Variants in PCDH15 observed in about 807,000 individuals in gnomAD.
PCDH15 encodes the protein protocadherin-15.
Under a neutral mutation model 178.5 loss-of-function variants are expected in PCDH15, and 129 were observed. That is an observed-to-expected ratio of 0.72 (90% CI 0.63 to 0.84). PCDH15 has a LOEUF of 0.84. PCDH15 is among the 40% of genes least tolerant of loss of function. The pLI is 0.00. For synonymous variants in PCDH15, 800 were observed against 732.0 expected (o/e 1.09, Z -1.50); for missense variants, 2,230 against 2,099.9 (o/e 1.06, Z -1.21).
chr10:54,703,158 C>T (rs1298453279), intron 1 of PCDH15, among the ~76,000 whole-genome samples: 3 of 152,056 alleles, frequency 2.0e-5, no homozygotes, highest in African/African-American at 7.2e-5. Context: ...GCAGAAAAGT[C>T]TGTTGATAAA....
At chr10:54,964,977 T>C (rs1480984255) in intron 2 of PCDH15, among the ~76,000 whole-genome samples, 1 of 152,190 alleles carries the variant, frequency 6.6e-6, no homozygotes, top group African/African-American at 2.4e-5. Flanking sequence ...TGTTAATTTG[T>C]AGAATACTTG....
intron 2 of PCDH15, among the ~76,000 whole-genome samples, chr10:55,078,892 G>C (rs1274951908): frequency 6.6e-6 from 1 of 151,804 alleles, no homozygotes; most frequent in Admixed American, 6.6e-5. Flanking sequence ...TTCCATTTCT[G>C]AGTTACTTCA....
At chr10:54,171,530 G>T (rs577968532) in intron 13 of PCDH15, among the ~76,000 whole-genome samples, 1 of 142,020 alleles carries the variant, frequency 7.0e-6, no homozygotes, top group Non-Finnish European at 1.5e-5. Flanking sequence ...CCTATTCACC[G>T]TTCTCAACTA....
chr10:54,800,401 G>C (rs958061737), intron 1 of PCDH15, among the ~76,000 whole-genome samples: 5 of 152,088 alleles, frequency 3.3e-5, no homozygotes, highest in African/African-American at 1.2e-4. Context: ...AACATCCACA[G>C]TAAAAATATC....
intron 21 of PCDH15, among the ~76,000 whole-genome samples, chr10:53,976,183 A>G (rs1417387385): frequency 6.6e-6 from 1 of 152,028 alleles, no homozygotes; most frequent in Admixed American, 6.6e-5. Context: ...TGTATTAATA[A>G]TATAGTTTGA....
intron 20 of PCDH15, among the ~76,000 whole-genome samples, chr10:54,015,757 G>A (rs1467622910): frequency 2.6e-5 from 4 of 151,984 alleles, no homozygotes; most frequent in East Asian, 1.9e-4. Context: ...AACTCAAGAC[G>A]GATTGAAGAC....
intron 1 of PCDH15, among the ~76,000 whole-genome samples, chr10:55,172,259 T>C (rs1839356122): frequency 6.6e-6 from 1 of 152,032 alleles, no homozygotes; most frequent in African/African-American, 2.4e-5. Flanking sequence ...TTACTCACTA[T>C]AATTATTTAT....
intron 2 of PCDH15, among the ~76,000 whole-genome samples, chr10:55,529,760 T>TATATATATAC (rs1324660745): frequency 2.2e-5 from 3 of 133,816 alleles, no homozygotes; most frequent in Admixed American, 7.4e-5. Flanking sequence ...TATATATATA[T>TATATATATAC]ATATATATAT....
chr10:55,367,603 C>CA (rs763319352), intron 2 of PCDH15, among the ~76,000 whole-genome samples: 35 of 151,822 alleles, frequency 2.3e-4, no homozygotes, highest in Non-Finnish European at 4.4e-4. Flanking sequence ...CAAAACAAAA[C>CA]AAACAAAAGA....
chr10:55,409,809 G>A (rs1265898813), intron 2 of PCDH15, among the ~76,000 whole-genome samples: 1 of 152,086 alleles, frequency 6.6e-6, no homozygotes, highest in Non-Finnish European at 1.5e-5. Flanking sequence ...ATTTGCCCTT[G>A]AGAAAGCAAA....
At chr10:55,582,518 T>C (rs1201997439) in intron 2 of PCDH15, among the ~76,000 whole-genome samples, 1 of 149,954 alleles carries the variant, frequency 6.7e-6, no homozygotes, top group Non-Finnish European at 1.5e-5. Context: ...GCAGATAAAA[T>C]ATAGGGCCAT....
intron 2 of PCDH15, among the ~76,000 whole-genome samples, chr10:55,620,532 T>C (rs1392293924): frequency 1.3e-5 from 2 of 152,016 alleles, no homozygotes; most frequent in Non-Finnish European, 2.9e-5. Flanking sequence ...TAATGTCACA[T>C]TTTAGTTATT....
At chr10:53,999,258 G>A (rs944186910) in intron 20 of PCDH15, among the ~76,000 whole-genome samples, 11 of 152,082 alleles carry the variant, frequency 7.2e-5, no homozygotes, top group South Asian at 2.1e-4. Context: ...TTATGGAGCC[G>A]ATACCTACTT....
At position 54,779,643 on chromosome 10, in the gene PCDH15, A is replaced by G. The variant is rs1950175063; in HGVS notation, c.-29+21282T>C. 6.6e-5 allele frequency among the ~76,000 whole-genome samples: 10 copies of G among 151,118 alleles called. No individual in the cohort carries two copies. The South Asian group carries it at 2.1e-3, about 32-fold the overall frequency. The stretch of plus-strand genomic sequence containing the variant: ...ATCAAGAGGCCTGCCTTCCCTAGCC[A>G]AAATGTGAACACAGCAGAGAGTTAG... On this transcript the variant is annotated intron_variant, in intron 1 of 37. Coordinates refer to ENST00000644397, the MANE Select transcript of PCDH15 (RefSeq NM_001384140.1).
intron 2 of PCDH15, among the ~76,000 whole-genome samples, chr10:54,999,684 G>A (rs1437405412): frequency 6.6e-6 from 1 of 152,220 alleles, no homozygotes; most frequent in Non-Finnish European, 1.5e-5. Flanking sequence ...GGACGCCACA[G>A]TACTGGGTTG....
intron 11 of PCDH15, chr10:54,189,262 T>A (rs1322686657): frequency 1.2e-6 from 1 of 823,372 alleles, no homozygotes; most frequent in Non-Finnish European, 2.0e-6. Flanking sequence ...TAAGGGATAA[T>A]GAAGTAATAC....
Position 55,020,279 on chromosome 10 carries a change from C to G in PCDH15, c.-79-122779G>C, listed in dbSNP as rs78739076. Among the ~76,000 whole-genome samples the G allele has an allele frequency of 7.3e-5, 11 of 151,484 alleles. No homozygotes were observed. In the East Asian group the frequency reaches 2.1e-3, roughly 29 times the overall value. On this transcript the variant is annotated intron_variant, in intron 2 of 5. Transcript: ENST00000458638. Reference sequence around the variant, plus strand: ...AACAAAGAGAATAAATAATCCCTTTCTACAAATAGCTGATGAGGGGATTTG... The same window carrying G: ...AACAAAGAGAATAAATAATCCCTTTGTACAAATAGCTGATGAGGGGATTTG...
intron 25 of PCDH15, among the ~76,000 whole-genome samples, chr10:53,908,710 AC>A (rs1190913877): frequency 6.6e-6 from 1 of 152,214 alleles, no homozygotes; most frequent in African/African-American, 2.4e-5. Flanking sequence ...TTTTCCTCAA[AC>A]CTTAAAGGAA....
chr10:54,202,043 G>A (rs1171210861), intron 10 of PCDH15, among the ~76,000 whole-genome samples: 1 of 152,052 alleles, frequency 6.6e-6, no homozygotes, highest in Non-Finnish European at 1.5e-5. Flanking sequence ...TATGCAAAAA[G>A]GCCTATTTAT....
Sources: allele counts gnomAD v4.1 joint callset (sites outside exome capture counted in the v4.1 genomes callset), GRCh38; gene constraint gnomAD v4.1.1; transcripts MANE v1.5; gene names NCBI Gene and HGNC (gene_info 2026-07-23, HGNC 2026-07-21).